TENM3: variants seen among roughly 807,000 people sequenced by gnomAD.
TENM3 encodes teneurin-3.
In TENM3, 63 loss-of-function variants were observed where a neutral mutation model predicts 255.1. The observed-to-expected ratio is 0.25, with a 90% CI of 0.20 to 0.30. The LOEUF (loss-of-function observed/expected upper bound fraction) is 0.30. TENM3 is among the 10% of genes least tolerant of loss of function. TENM3 has a pLI of 1.00. For synonymous variants in TENM3, 1,306 were observed against 1,322.3 expected (o/e 0.99, Z 0.27); for missense variants, 2,929 against 3,461.1 (o/e 0.85, Z 3.86).
chr4:181,499,546 T>A, the TENM3 span, among the ~76,000 whole-genome samples: 1 of 151,958 alleles, frequency 6.6e-6, no homozygotes, highest in Non-Finnish European at 1.5e-5. Context: ...AGATGATGAG[T>A]GACTGTGAGC....
the TENM3 span, among the ~76,000 whole-genome samples, chr4:182,132,437 CA>C: frequency 6.6e-6 from 1 of 151,980 alleles, no homozygotes; most frequent in African/African-American, 2.4e-5. Flanking sequence ...GAGCTGAGAT[CA>C]CACCACTGCA....
the TENM3 span, among the ~76,000 whole-genome samples, chr4:181,914,333 A>G: frequency 6.6e-6 from 1 of 152,064 alleles, no homozygotes. Context: ...TGGCCTCACA[A>G]CCTATCTCAG....
chr4:182,709,835 G>T (rs1758619333), intron 12 of TENM3, among the ~76,000 whole-genome samples: 1 of 152,072 alleles, frequency 6.6e-6, no homozygotes, highest in Non-Finnish European at 1.5e-5. Context: ...TTTTCTTACG[G>T]TTGGTTTTTA....
At chr4:181,927,579 G>C in the TENM3 span, among the ~76,000 whole-genome samples, 1 of 152,202 alleles carries the variant, frequency 6.6e-6, no homozygotes, top group Non-Finnish European at 1.5e-5. Flanking sequence ...TGGGGGAAGG[G>C]GTAGCTGTGG....
At chr4:181,509,280 C>G in the TENM3 span, among the ~76,000 whole-genome samples, 1 of 152,102 alleles carries the variant, frequency 6.6e-6, no homozygotes, top group African/African-American at 2.4e-5. Context: ...TTATCAGAGA[C>G]AATTACTGGG....
At chr4:182,372,148 G>A (rs1766864329) in intron 3 of TENM3, among the ~76,000 whole-genome samples, 1 of 152,074 alleles carries the variant, frequency 6.6e-6, no homozygotes, top group Non-Finnish European at 1.5e-5. Context: ...GGAATAGAAT[G>A]GTAGCTCTCT....
Position 182,773,567 on chromosome 4 carries a change from T to G in TENM3, c.4988T>G (p.Ile1663Ser). The stretch of plus-strand genomic sequence containing the variant: ...ATGGACAAGGCTATCACAGTGGACA[T>G]TGAGTCATCTAGCCGAGAAGAAGAT... ...GDMDKAITVDIESSSREEDVS... is the reference protein window; with the variant it reads ...GDMDKAITVDSESSSREEDVS... Residue 1663 changes from isoleucine (I) to serine (S), a missense_variant, in exon 23 of 28, where the codon ATT (isoleucine) becomes AGT (serine). Ile to Ser is a moderately radical substitution (Grantham distance 142). Transcript: ENST00000511685. The G allele has an allele frequency of 4.3e-6, 7 of 1,613,892 alleles. No individual in the cohort carries two copies. Among genetic ancestry groups the G allele is most frequent in the Non-Finnish European group, 4.2e-6 (5 of 1,179,852 alleles).
intron 1 of TENM3, among the ~76,000 whole-genome samples, chr4:182,279,548 A>G (rs1760235282): frequency 6.6e-6 from 1 of 152,334 alleles, no homozygotes; most frequent in South Asian, 2.1e-4. Flanking sequence ...CTAGCAGTCT[A>G]TAAAGACAGA....
At chr4:182,726,869 G>C (rs1199938989) in intron 13 of TENM3, among the ~76,000 whole-genome samples, 2 of 152,132 alleles carry the variant, frequency 1.3e-5, no homozygotes, top group Admixed American at 6.5e-5. Flanking sequence ...TTTGCTGTCA[G>C]ATAATGAAGG....
At chr4:182,668,709 G>C (rs574686234) in intron 6 of TENM3, among the ~76,000 whole-genome samples, 8 of 152,284 alleles carry the variant, frequency 5.3e-5, no homozygotes, top group Admixed American at 2.0e-4. Flanking sequence ...CTGTGAGAAA[G>C]ATTTTAACCC....
intron 1 of TENM3, among the ~76,000 whole-genome samples, chr4:182,161,817 A>G (rs868216716): frequency 0.16 from 4,775 of 29,048 alleles, 1,372 homozygotes; most frequent in Admixed American, 0.37. Context: ...ATATATATGT[A>G]TATATATACA....
At chr4:182,068,786 A>T in the TENM3 span, among the ~76,000 whole-genome samples, 2 of 152,162 alleles carry the variant, frequency 1.3e-5, no homozygotes, top group Admixed American at 1.3e-4. Context: ...AAAATATTTG[A>T]GTAATCTCTA....
intron 3 of TENM3, among the ~76,000 whole-genome samples, chr4:182,468,078 A>C (rs1732760708): frequency 6.6e-6 from 1 of 152,220 alleles, no homozygotes; most frequent in African/African-American, 2.4e-5. Flanking sequence ...ATTTATGAAA[A>C]CCTTTTGCCA....
chr4:182,659,084 C>T (rs1753997833), intron 6 of TENM3, among the ~76,000 whole-genome samples: 1 of 152,226 alleles, frequency 6.6e-6, no homozygotes, highest in Admixed American at 6.5e-5. Flanking sequence ...GGGAATTAAA[C>T]TCCTCCTCTT....
the TENM3 span, among the ~76,000 whole-genome samples, chr4:181,770,325 A>T: frequency 6.6e-6 from 1 of 152,196 alleles, no homozygotes; most frequent in African/African-American, 2.4e-5. Flanking sequence ...TTATGATTAG[A>T]TGCAATTTAT....
At chr4:181,488,011 T>C in the TENM3 span, among the ~76,000 whole-genome samples, 1 of 152,182 alleles carries the variant, frequency 6.6e-6, no homozygotes, top group Non-Finnish European at 1.5e-5. Context: ...CTGAATTGCA[T>C]ATTGGGCTGG....
the TENM3 span, among the ~76,000 whole-genome samples, chr4:181,995,087 G>A: frequency 2.3e-3 from 343 of 152,144 alleles, 1 homozygote; most frequent in African/African-American, 7.9e-3. Flanking sequence ...TCAGGAGTTC[G>A]AGACTAGCCT....
the TENM3 span, among the ~76,000 whole-genome samples, chr4:181,703,481 G>T: frequency 1.3e-5 from 2 of 152,316 alleles, no homozygotes; most frequent in East Asian, 3.9e-4. Context: ...GTCACTGGAT[G>T]ATGGATTTTT....
At chr4:181,706,274 CT>C in the TENM3 span, among the ~76,000 whole-genome samples, 70 of 152,284 alleles carry the variant, frequency 4.6e-4, no homozygotes, top group African/African-American at 1.1e-3. Flanking sequence ...CTCATTTTCA[CT>C]TAATTACCTC....
Sources: allele counts gnomAD v4.1 joint callset (sites outside exome capture counted in the v4.1 genomes callset), GRCh38; gene constraint gnomAD v4.1.1; transcripts MANE v1.5; gene names NCBI Gene and HGNC (gene_info 2026-07-23, HGNC 2026-07-21).